Variants in DIS3L2 observed in about 807,000 individuals in gnomAD.
DIS3L2 encodes the protein DIS3 like 3'-5' exoribonuclease 2.
Under a neutral mutation model 97.5 loss-of-function variants are expected in DIS3L2, and 34 were observed. That is an observed-to-expected ratio of 0.35 (90% CI 0.27 to 0.46). The LOEUF is 0.46. DIS3L2 is among the 20% of genes least tolerant of loss of function. DIS3L2 has a pLI of 1.00. For synonymous variants in DIS3L2, 435 were observed against 445.2 expected (o/e 0.98, Z 0.29); for missense variants, 1,038 against 1,146.0 (o/e 0.91, Z 1.36).
At chr2:232,313,561 G>A (rs1695193084) in intron 14 of DIS3L2, among the ~76,000 whole-genome samples, 1 of 152,198 alleles carries the variant, frequency 6.6e-6, no homozygotes, top group Non-Finnish European at 1.5e-5. Context: ...AACCCACGAG[G>A]TCGTAAAAAT....
At chr2:232,203,691 C>T (rs1273225177) in intron 9 of DIS3L2, among the ~76,000 whole-genome samples, 1 of 152,176 alleles carries the variant, frequency 6.6e-6, no homozygotes, top group African/African-American at 2.4e-5. Context: ...TAAGTGGCCA[C>T]CAACATGCCA....
At chr2:232,247,611 TGCC>T (rs765342762) in intron 11 of DIS3L2, among the ~76,000 whole-genome samples, 628 of 3,704 alleles carry the variant, frequency 0.17, 25 homozygotes, top group South Asian at 0.34. Flanking sequence ...AACATATAAC[TGCC>T]GCGGGGGGGG....
intron 1 of DIS3L2, among the ~76,000 whole-genome samples, chr2:231,990,441 G>C (rs1478279553): frequency 2.0e-5 from 3 of 152,192 alleles, no homozygotes; most frequent in African/African-American, 7.2e-5. Flanking sequence ...AGTCTTTAAA[G>C]CATAGGAAGA....
At chr2:232,206,169 C>T (rs1201301591) in intron 9 of DIS3L2, among the ~76,000 whole-genome samples, 1 of 152,142 alleles carries the variant, frequency 6.6e-6, no homozygotes, top group African/African-American at 2.4e-5. Flanking sequence ...CAAAGAAGTG[C>T]CAGGAGCAAA....
At chr2:232,247,919 G>T (rs905733144) in intron 11 of DIS3L2, among the ~76,000 whole-genome samples, 13 of 152,158 alleles carry the variant, frequency 8.5e-5, no homozygotes, top group Non-Finnish European at 1.5e-4. Context: ...AATTTCAAAG[G>T]TAGTTGTCTG....
intron 5 of DIS3L2, among the ~76,000 whole-genome samples, chr2:232,082,522 T>C (rs1463340497): frequency 6.6e-6 from 1 of 152,178 alleles, no homozygotes; most frequent in African/African-American, 2.4e-5. Flanking sequence ...ATGCTCCTTA[T>C]GAGAATCTAA....
chr2:232,225,422 G>A (rs2106237354), intron 10 of DIS3L2, among the ~76,000 whole-genome samples: 1 of 152,198 alleles, frequency 6.6e-6, no homozygotes, highest in Admixed American at 6.5e-5. Flanking sequence ...AACACAACAT[G>A]ATGAATATCA....
At chr2:232,169,287 A>G (rs1690913617) in intron 9 of DIS3L2, among the ~76,000 whole-genome samples, 1 of 152,162 alleles carries the variant, frequency 6.6e-6, no homozygotes, top group Non-Finnish European at 1.5e-5. Flanking sequence ...CCTTTTTCAA[A>G]CATTTATTTG....
downstream of DIS3L2, chr2:232,340,911 G>A (rs1373963812): frequency 1.1e-5 from 5 of 471,032 alleles, no homozygotes; most frequent in East Asian, 6.9e-5. Context: ...AACAAGCTCC[G>A]TGGGGAACAC....
At chr2:232,252,550 T>C (rs2106268293) in intron 12 of DIS3L2, among the ~76,000 whole-genome samples, 1 of 152,326 alleles carries the variant, frequency 6.6e-6, no homozygotes, top group East Asian at 1.9e-4. Flanking sequence ...TTTAATAACT[T>C]TTTCAGATAA....
At chr2:231,991,936 A>G (rs1693596702) in intron 1 of DIS3L2, among the ~76,000 whole-genome samples, 1 of 152,100 alleles carries the variant, frequency 6.6e-6, no homozygotes, top group Admixed American at 6.5e-5. Flanking sequence ...AAGGCTCTAC[A>G]CTCTTGGAAT....
chr2:232,254,845 G>A (rs984169376), intron 12 of DIS3L2, among the ~76,000 whole-genome samples: 6 of 152,220 alleles, frequency 3.9e-5, no homozygotes, highest in Non-Finnish European at 8.8e-5. Context: ...GTGGGCCTCA[G>A]TGCAAACCAA....
intron 9 of DIS3L2, among the ~76,000 whole-genome samples, chr2:232,185,022 C>T (rs1257425697): frequency 6.6e-6 from 1 of 152,140 alleles, no homozygotes; most frequent in African/African-American, 2.4e-5. Context: ...TGCTCACTTG[C>T]CATAATGTAC....
At chr2:232,113,938 T>C (rs1697621955) in intron 6 of DIS3L2, among the ~76,000 whole-genome samples, 1 of 152,202 alleles carries the variant, frequency 6.6e-6, no homozygotes, top group Non-Finnish European at 1.5e-5. Flanking sequence ...TCTCATAAGA[T>C]CAGTGCTTGA....
chr2:232,139,061 T>C (rs947076791), intron 8 of DIS3L2, among the ~76,000 whole-genome samples: 1 of 152,252 alleles, frequency 6.6e-6, no homozygotes, highest in Non-Finnish European at 1.5e-5. Context: ...TTTGCATGTA[T>C]ATATCATAGC....
At chr2:232,312,999 G>A (rs1013576971) in intron 14 of DIS3L2, among the ~76,000 whole-genome samples, 1 of 152,070 alleles carries the variant, frequency 6.6e-6, no homozygotes, top group Non-Finnish European at 1.5e-5. Context: ...TTTCAGTTCA[G>A]TGTAGATGCT....
intron 1 of DIS3L2, among the ~76,000 whole-genome samples, chr2:231,980,616 T>G (rs1693224857): frequency 6.6e-6 from 1 of 152,118 alleles, no homozygotes; most frequent in South Asian, 2.1e-4. Context: ...GAGAATCACT[T>G]GAACCCAGGA....
chr2:232,291,602 G>A (rs1173569191), intron 13 of DIS3L2, among the ~76,000 whole-genome samples: 1 of 152,244 alleles, frequency 6.6e-6, no homozygotes, highest in Non-Finnish European at 1.5e-5. Context: ...AGGCCTCCTG[G>A]AGAACCCATG....
chr2:232,220,534 C>G (rs1692469459), intron 10 of DIS3L2, among the ~76,000 whole-genome samples: 1 of 152,012 alleles, frequency 6.6e-6, no homozygotes, highest in Admixed American at 6.6e-5. Context: ...TAGTGAAACC[C>G]CATGTCTACT....
Sources: allele counts gnomAD v4.1 joint callset (sites outside exome capture counted in the v4.1 genomes callset), GRCh38; gene constraint gnomAD v4.1.1; transcripts MANE v1.5; gene names NCBI Gene and HGNC (gene_info 2026-07-23, HGNC 2026-07-21).